CHMP1A: variants seen among roughly 807,000 people sequenced by gnomAD.
The protein encoded by CHMP1A is VPS46 homolog A.
A neutral mutation model predicts 27.0 loss-of-function variants in CHMP1A; 17 were observed. The ratio of observed to expected loss-of-function variants is 0.63; its 90% CI spans 0.43 to 0.95. CHMP1A has a LOEUF of 0.95. Among genes scored for constraint, CHMP1A ranks in the 40% least tolerant of loss-of-function variants. The pLI is 0.00. For synonymous variants in CHMP1A, 131 were observed against 107.5 expected (o/e 1.22, Z -1.35); for missense variants, 275 against 264.0 (o/e 1.04, Z -0.29).
chr16:89,655,951 T>C (rs2059862648), intron 1 of CHMP1A, among the ~76,000 whole-genome samples: 3 of 152,186 alleles, frequency 2.0e-5, no homozygotes. Flanking sequence ...ATTACAGCCG[T>C]GAGCCACCGC....
At position 89,645,609 on chromosome 16, in the gene CHMP1A, C is replaced by A; in HGVS notation, c.*457G>T. The A allele has an allele frequency of 3.5e-6, 1 of 284,918 alleles. No homozygotes were observed. Among genetic ancestry groups the A allele is most frequent in the Non-Finnish European group, 6.8e-6 (1 of 146,694 alleles). 17.6% of individuals were successfully genotyped at this position (284,918 alleles called of 1,614,324 possible). A position where few individuals can be genotyped will look rare whatever the true frequency, so the allele number is the denominator to read the frequency against. The stretch of plus-strand genomic sequence containing the variant: ...CCTGACATCCCCCAGCACACATAGA[C>A]CTGTGGTGCCTCCTTGGGCTATGTC... On this transcript the variant is annotated 3_prime_UTR_variant, in exon 7 of 7. Transcript: ENST00000397901.
intron 1 of CHMP1A, 126 bp downstream of exon 1, chr16:89,657,456 A>G: frequency 3.3e-6 from 4 of 1,195,252 alleles, no homozygotes; most frequent in Non-Finnish European, 3.6e-6. Flanking sequence ...GTCCCGGGGG[A>G]TCGACGGTCG....
At chr16:89,656,618 G>A (rs574848863) in intron 1 of CHMP1A, among the ~76,000 whole-genome samples, 3 of 152,302 alleles carry the variant, frequency 2.0e-5, no homozygotes, top group African/African-American at 7.2e-5. Flanking sequence ...CGCTTGTGCT[G>A]GCTCCTGCTC....
intron 1 of CHMP1A, among the ~76,000 whole-genome samples, chr16:89,655,631 C>CT (rs144330644): frequency 0.32 from 47,516 of 147,914 alleles, 9,711 homozygotes; most frequent in Middle Eastern, 0.6. Flanking sequence ...CACAATTTTT[C>CT]TTTTTTTTTT....
At position 89,647,194 on chromosome 16, in the gene CHMP1A, G is replaced by A. The variant is rs748624723; in HGVS notation, c.381+9C>T. 5.0e-6 allele frequency: 8 copies of A among 1,607,808 alleles called. No homozygotes were observed. In the Admixed American group the frequency reaches 5.1e-5, roughly 10 times the overall value. ...CCAGGCCACAGCCCCAAGGGTAGGG[G>A]CCACATACCGATGTATGGACGTCCA... is the stretch of plus-strand genomic sequence containing the variant. On this transcript the variant is annotated intron_variant, in intron 5 of 6. Coordinates refer to ENST00000397901, the MANE Select transcript of CHMP1A (RefSeq NM_002768.5).
At chr16:89,654,590 G>A (rs569020482) in intron 1 of CHMP1A, among the ~76,000 whole-genome samples, 1 of 152,084 alleles carries the variant, frequency 6.6e-6, no homozygotes, top group East Asian at 1.9e-4. Context: ...GATCACTTGA[G>A]GTCAGGAGTT....
rs1263405473 is a variant in CHMP1A at position 89,651,693 on chromosome 16, C to T, written c.28-47G>A. 1.9e-6 allele frequency: 3 copies of T among 1,593,160 alleles called. No individual in the cohort carries two copies. The Admixed American group carries it at 5.1e-5, about 27-fold the overall frequency. ...CTGGGTCAGACATGCGGAGCCCATCCCCCAGGCCCGGCTCTCCACACCCCC... is the reference window on the plus strand; with the variant it reads ...CTGGGTCAGACATGCGGAGCCCATCTCCCAGGCCCGGCTCTCCACACCCCC... On this transcript the variant is annotated intron_variant, in intron 2 of 6. Coordinates refer to ENST00000397901, the MANE Select transcript of CHMP1A (RefSeq NM_002768.5).
At chr16:89,646,982 CCCA>C in intron 5 of CHMP1A, 1 of 1,475,604 alleles carries the variant, frequency 6.8e-7, no homozygotes, top group Non-Finnish European at 9.0e-7. Flanking sequence ...TCCGAGCCTC[CCCA>C]CAAGGAGCCA....
chr16:89,654,664 C>T (rs561110043), intron 1 of CHMP1A, among the ~76,000 whole-genome samples: 5 of 151,464 alleles, frequency 3.3e-5, no homozygotes, highest in African/African-American at 1.2e-4. Context: ...ATTTTTTTGC[C>T]GGGTGCGGTG....
chr16:89,649,372 C>G lies in CHMP1A; in HGVS notation c.231G>C (p.Gln77His). 1 of 1,613,530 alleles carries G rather than the reference C, an allele frequency of 6.2e-7. No homozygotes were observed. The change falls in exon 4 of 7, where the codon CAG becomes CAC. Residue 77 changes from glutamine (Q) to histidine (H), a missense_variant. By Grantham distance (24) the Gln-to-His change is conservative (BLOSUM62 0). Transcript: ENST00000397901. The stretch of plus-strand genomic sequence containing the variant: ...TCACCCCCTTCATAGTCACAGCTGT[C>G]TGCACCTTGGAGGCCACTGCGTCTA... The part of the protein sequence containing the change: ...SRVDAVASKV[Q>H]TAVTMKGVTK...
intron 3 of CHMP1A, 32 bp downstream of exon 3, chr16:89,651,537 G>A: frequency 6.2e-7 from 1 of 1,602,042 alleles, no homozygotes; most frequent in Non-Finnish European, 8.5e-7. Flanking sequence ...CAAACCAGGA[G>A]AGTCATGACC....
chr16:89,654,217 G>A (rs943149042), intron 1 of CHMP1A, among the ~76,000 whole-genome samples: 2 of 152,232 alleles, frequency 1.3e-5, no homozygotes, highest in African/African-American at 2.4e-5. Context: ...TTAGTGTGAG[G>A]ACAGAAGAGG....
Position 89,645,984 on chromosome 16 carries a change from C to G in CHMP1A, c.*82G>C, listed in dbSNP as rs764970236. 2.5e-6 allele frequency: 4 copies of G among 1,612,586 alleles called. No individual in the cohort carries two copies. Among genetic ancestry groups the G allele is most frequent in the Admixed American group, 3.3e-5 (2 of 59,912 alleles). On this transcript the variant is annotated 3_prime_UTR_variant, in exon 7 of 7. Coordinates refer to ENST00000397901, the MANE Select transcript of CHMP1A (RefSeq NM_002768.5). Reference sequence around the variant, plus strand: ...CGGCCGCAGCCCCGCGGGGTCAGCACAAAGGCAAGACGCGGTGGGGAGAGG... The same window carrying G: ...CGGCCGCAGCCCCGCGGGGTCAGCAGAAAGGCAAGACGCGGTGGGGAGAGG...
chr16:89,657,666 C>G lies in CHMP1A; in HGVS notation c.-78G>C, dbSNP rs920674659. On this transcript the variant is annotated 5_prime_UTR_variant, in exon 1 of 7. Coordinates refer to ENST00000397901, the MANE Select transcript of CHMP1A (RefSeq NM_002768.5). The stretch of plus-strand genomic sequence containing the variant: ...GGCGGTGTCAGGTCCCGGCGGCGAT[C>G]GAACCGACCAAGCTGCACCCGGCGG... 4 of 1,598,442 alleles carry G rather than the reference C, an allele frequency of 2.5e-6. No homozygotes were observed. In the African/African-American group the frequency reaches 5.4e-5, roughly 22 times the overall value.
intron 3 of CHMP1A, 75 bp downstream of exon 3, chr16:89,651,494 G>T: frequency 7.1e-7 from 1 of 1,413,612 alleles, no homozygotes. Flanking sequence ...AACAAAACAG[G>T]ACACAAAAAT....
intron 3 of CHMP1A, among the ~76,000 whole-genome samples, chr16:89,650,080 A>C (rs184855854): frequency 8.8e-4 from 134 of 152,290 alleles, no homozygotes; most frequent in African/African-American, 3.2e-3. Flanking sequence ...TCTCCCTGGG[A>C]GCCTGGCTGT....
chr16:89,656,916 A>AG (rs2059879918), intron 1 of CHMP1A, among the ~76,000 whole-genome samples: 1 of 151,094 alleles, frequency 6.6e-6, no homozygotes, highest in Non-Finnish European at 1.5e-5. Context: ...TCGGGGGTCC[A>AG]GGCCCTGGGC....
intron 3 of CHMP1A, 168 bp from the exon 4 acceptor site, chr16:89,649,665 C>G (rs575153158): frequency 2.7e-6 from 2 of 744,566 alleles, no homozygotes; most frequent in East Asian, 5.8e-5. Context: ...AAGCTCCGCC[C>G]CCCAGGTTCA....
intron 2 of CHMP1A, among the ~76,000 whole-genome samples, chr16:89,652,749 C>T (rs1440706258): frequency 1.3e-5 from 2 of 152,180 alleles, no homozygotes. Context: ...GGAAAACATC[C>T]CAAAGCTGCA....
Sources: allele counts gnomAD v4.1 joint callset (sites outside exome capture counted in the v4.1 genomes callset), GRCh38; gene constraint gnomAD v4.1.1; transcripts MANE v1.5; gene names NCBI Gene and HGNC (gene_info 2026-07-23, HGNC 2026-07-21).